Variants in MBNL2 observed in about 807,000 individuals in gnomAD.
MBNL2 encodes muscleblind like splicing regulator 2.
MBNL2 carries 17 observed loss-of-function variants against 41.9 expected under a neutral mutation model. That is an observed-to-expected ratio of 0.41 (90% CI 0.28 to 0.61). The LOEUF (loss-of-function observed/expected upper bound fraction) is 0.61, where lower values mean the gene tolerates loss of function less well. Ranked by LOEUF, MBNL2 falls within the 20% of genes least tolerant of loss-of-function variation. The probability of loss-of-function intolerance (pLI) is 0.35; values close to 1 mark genes in which losing one functional copy is unlikely to be tolerated. For missense variants in MBNL2, 336 were observed against 505.6 expected (o/e 0.66, Z 3.22); for synonymous variants, 195 against 182.9 (o/e 1.07, Z -0.53).
At chr13:97,142,183 CTG>C in the MBNL2 span, among the ~76,000 whole-genome samples, 16 of 152,220 alleles carry the variant, frequency 1.1e-4, no homozygotes, top group African/African-American at 2.9e-4. Context: ...CTTATTATAA[CTG>C]TGCTTATTTA....
the MBNL2 span, among the ~76,000 whole-genome samples, chr13:97,203,873 A>ATGGATGG: frequency 6.7e-6 from 1 of 149,470 alleles, no homozygotes; most frequent in Non-Finnish European, 1.5e-5. Flanking sequence ...ATGATAAGTG[A>ATGGATGG]ATGGATGGAT....
At chr13:97,174,959 A>G in the MBNL2 span, among the ~76,000 whole-genome samples, 3 of 152,210 alleles carry the variant, frequency 2.0e-5, no homozygotes, top group African/African-American at 7.2e-5. Flanking sequence ...GAAGGAGACT[A>G]TAGAATTCTC....
intron 1 of MBNL2, among the ~76,000 whole-genome samples, chr13:97,261,427 T>G (rs900758766): frequency 6.6e-6 from 1 of 152,184 alleles, no homozygotes; most frequent in Non-Finnish European, 1.5e-5. Context: ...CCATGTGTAC[T>G]AGCCTCATAC....
At chr13:97,203,909 GAT>G in the MBNL2 span, among the ~76,000 whole-genome samples, 4 of 152,026 alleles carry the variant, frequency 2.6e-5, no homozygotes, top group South Asian at 2.1e-4. Flanking sequence ...TGGATGGATG[GAT>G]GGATGGACGG....
At chr13:97,357,041 C>A (rs1047707236) in intron 6 of MBNL2, among the ~76,000 whole-genome samples, 192 bp downstream of exon 6, 9 of 151,980 alleles carry the variant, frequency 5.9e-5, no homozygotes, top group Non-Finnish European at 1.5e-5. Flanking sequence ...ATTTTAATAC[C>A]TTTTCCAAAA....
chr13:97,291,196 G>C (rs528436742), intron 2 of MBNL2, among the ~76,000 whole-genome samples: 17 of 152,188 alleles, frequency 1.1e-4, no homozygotes, highest in African/African-American at 4.1e-4. Flanking sequence ...AGGGGGCAGA[G>C]GTAGGTAGAT....
rs2040933965 is a variant in MBNL2, at chr13:97,222,355, T to C, written c.-781T>C. 1 of 398,608 alleles carries C rather than the reference T, an allele frequency of 2.5e-6. No homozygotes were observed. The highest frequency in any genetic ancestry group is 4.4e-6 in the Non-Finnish European group (1 of 226,046). 24.7% of individuals were successfully genotyped at this position (398,608 alleles called of 1,614,324 possible). On this transcript the variant is annotated 5_prime_UTR_variant, in exon 1 of 9. Coordinates refer to ENST00000679496, the MANE Select transcript of MBNL2 (RefSeq NM_001382683.1). Reference sequence around the variant, plus strand: ...TTTAGACTGTCTTTGCTTCATCATCTGAAGGTAAAATTTTCCAGATACGGC... The same window carrying C: ...TTTAGACTGTCTTTGCTTCATCATCCGAAGGTAAAATTTTCCAGATACGGC...
the MBNL2 span, among the ~76,000 whole-genome samples, chr13:97,191,391 C>T: frequency 6.7e-6 from 1 of 150,242 alleles, no homozygotes; most frequent in South Asian, 2.1e-4. Context: ...CCCTGTTTCC[C>T]TTTTTTCCTT....
chr13:97,320,637 C>T (rs908337207), intron 2 of MBNL2, among the ~76,000 whole-genome samples: 21 of 152,004 alleles, frequency 1.4e-4, no homozygotes, highest in African/African-American at 4.3e-4. Context: ...TCTTCGGCCA[C>T]GCAGGGTGGC....
chr13:97,271,133 T>G (rs551003276), intron 1 of MBNL2, among the ~76,000 whole-genome samples: 20 of 150,812 alleles, frequency 1.3e-4, no homozygotes, highest in African/African-American at 4.4e-4. Flanking sequence ...TTTGTTTTTT[T>G]TTTTTGAGAC....
At chr13:97,218,435 C>CAAAA (rs748001765), upstream of MBNL2, among the ~76,000 whole-genome samples, 7 of 67,552 alleles carry the variant, frequency 1.0e-4, no homozygotes, top group African/African-American at 2.1e-4. Context: ...CAAAACAAAA[C>CAAAA]AAAACAAAAA....
chr13:97,259,731 G>T (rs2048250505), intron 1 of MBNL2, among the ~76,000 whole-genome samples: 1 of 152,130 alleles, frequency 6.6e-6, no homozygotes. Flanking sequence ...AATTGTTGGG[G>T]CCTCTCTGTT....
At chr13:97,386,222 T>C (rs990105015) in intron 8 of MBNL2, among the ~76,000 whole-genome samples, 29 of 152,226 alleles carry the variant, frequency 1.9e-4, no homozygotes, top group Admixed American at 7.8e-4. Flanking sequence ...GCCTGTAGCG[T>C]TGGCTGATGC....
intron 2 of MBNL2, among the ~76,000 whole-genome samples, chr13:97,292,044 C>CA (rs535710499): frequency 8.2e-4 from 123 of 150,714 alleles, no homozygotes; most frequent in African/African-American, 2.7e-3. Flanking sequence ...CTAAAAAATA[C>CA]AAAAAAACTA....
the MBNL2 span, among the ~76,000 whole-genome samples, chr13:97,204,325 G>A: frequency 6.6e-6 from 1 of 152,198 alleles, no homozygotes; most frequent in Non-Finnish European, 1.5e-5. Flanking sequence ...AGAGTTTGAA[G>A]GTTGGGACTT....
intron 2 of MBNL2, among the ~76,000 whole-genome samples, chr13:97,331,022 T>C (rs2060393776): frequency 1.3e-5 from 2 of 152,238 alleles, no homozygotes; most frequent in South Asian, 4.1e-4. Flanking sequence ...ATAAAATATT[T>C]GAATAAGTAC....
At chr13:97,147,097 T>G in the MBNL2 span, among the ~76,000 whole-genome samples, 10 of 152,174 alleles carry the variant, frequency 6.6e-5, no homozygotes, top group African/African-American at 2.4e-4. Context: ...GAACAGCATC[T>G]GGAAACTTGA....
intron 1 of MBNL2, among the ~76,000 whole-genome samples, chr13:97,262,652 A>G (rs1203118765): frequency 1.3e-5 from 2 of 152,128 alleles, no homozygotes; most frequent in Non-Finnish European, 2.9e-5. Context: ...CTCTGGATCC[A>G]TGCCCATCAC....
intron 1 of MBNL2, among the ~76,000 whole-genome samples, chr13:97,264,324 G>A (rs1050688987): frequency 1.3e-5 from 2 of 152,146 alleles, no homozygotes; most frequent in Non-Finnish European, 2.9e-5. Context: ...ACTGTGCCCG[G>A]CAGAGAAGAT....
Sources: allele counts gnomAD v4.1 joint callset (sites outside exome capture counted in the v4.1 genomes callset), GRCh38; gene constraint gnomAD v4.1.1; transcripts MANE v1.5; gene names NCBI Gene and HGNC (gene_info 2026-07-23, HGNC 2026-07-21).